The following SSX2IP variants were observed in gnomAD, a reference collection of about 807,000 sequenced individuals.
SSX2IP encodes the protein SSX family member 2 interacting protein.
Under a neutral mutation model 84.9 loss-of-function variants are expected in SSX2IP, and 55 were observed. That is an observed-to-expected ratio of 0.65 (90% confidence interval 0.52 to 0.81). SSX2IP has a LOEUF of 0.81. Among genes scored for constraint, SSX2IP ranks in the 30% least tolerant of loss-of-function variants. The pLI, the probability that SSX2IP is intolerant of heterozygous loss-of-function variation, is 0.00. For missense variants in SSX2IP, 664 were observed against 705.2 expected, an observed-to-expected ratio of 0.94 and a Z score of 0.66; for synonymous variants, 239 against 234.7, an observed-to-expected ratio of 1.02 and a Z score of -0.17.
chr1:84,650,849 G>C (rs563523262), intron 12 of SSX2IP, among the ~76,000 whole-genome samples: 99 of 151,958 alleles, frequency 6.5e-4, no homozygotes, highest in Non-Finnish European at 1.3e-3. Context: ...GGACTACAGG[G>C]GCCCGCCACC....
intron 13 of SSX2IP, chr1:84,649,794 A>G (rs1403783938): frequency 2.7e-6 from 1 of 368,590 alleles, no homozygotes; most frequent in Admixed American, 3.7e-5. Flanking sequence ...TTAGAAAATG[A>G]TATAATAACT....
intron 1 of SSX2IP, among the ~76,000 whole-genome samples, chr1:84,688,410 AT>A (rs1477268073): frequency 6.6e-6 from 1 of 152,238 alleles, no homozygotes; most frequent in Admixed American, 6.5e-5. Context: ...TATGGAAAAA[AT>A]AACTTAAAAA....
At chr1:84,672,484 TC>T (rs1251187076) in intron 1 of SSX2IP, among the ~76,000 whole-genome samples, 1 of 151,670 alleles carries the variant, frequency 6.6e-6, no homozygotes, top group African/African-American at 2.4e-5. Context: ...AATGAGTGAG[TC>T]TGGGGTGCCA....
Position 84,647,277 on chromosome 1 carries a change from A to T in SSX2IP, c.*156T>A. 1.8e-6 allele frequency: 1 copy of T among 550,878 alleles called. No individual in the cohort carries two copies. Among genetic ancestry groups the T allele is most frequent in the Non-Finnish European group, 3.0e-6 (1 of 331,300 alleles). The allele number at this position is 550,878 out of a possible 1,614,324, so 34.1% of individuals were successfully genotyped here. A position where few individuals can be genotyped will look rare whatever the true frequency, so the allele number is the denominator to read the frequency against. On this transcript the variant is annotated 3_prime_UTR_variant, in exon 14 of 14. Coordinates refer to ENST00000342203, the MANE Select transcript of SSX2IP (RefSeq NM_001166293.2). ...CTTTTATATCCTTTTAAATAGATTTAAGATTTCAACTCTTTGGGGGAAGAC... is the reference window on the plus strand; with the variant it reads ...CTTTTATATCCTTTTAAATAGATTTTAGATTTCAACTCTTTGGGGGAAGAC...
chr1:84,649,357 T>C (rs1439252116), intron 13 of SSX2IP, among the ~76,000 whole-genome samples: 1 of 152,212 alleles, frequency 6.6e-6, no homozygotes, highest in African/African-American at 2.4e-5. Flanking sequence ...TTCCTACACT[T>C]GGCTAGAGTG....
chr1:84,657,921 G>A (rs1484365937), intron 9 of SSX2IP, among the ~76,000 whole-genome samples: 1 of 152,066 alleles, frequency 6.6e-6, no homozygotes, highest in African/African-American at 2.4e-5. Flanking sequence ...ATCACTTGAG[G>A]CCAGGAGTTC....
At chr1:84,668,309 C>T (rs545801395) in intron 4 of SSX2IP, among the ~76,000 whole-genome samples, 38 of 152,228 alleles carry the variant, frequency 2.5e-4, no homozygotes, top group Admixed American at 1.6e-3. Context: ...TTAATAAGAC[C>T]TTCCATAGGT....
Position 84,682,888 on chromosome 1 carries a change from A to C in SSX2IP, c.-90+7483T>G, listed in dbSNP as rs572527882. 5.3e-5 allele frequency among the ~76,000 whole-genome samples: 8 copies of C among 152,338 alleles called. No homozygotes were observed. In the East Asian group the frequency reaches 9.6e-4, roughly 18 times the overall value. ...GAGATTCTACCTAATTTTAATAACAATAAAATAATTTATTAAGCATGTAGC... is the reference window on the plus strand; with the variant it reads ...GAGATTCTACCTAATTTTAATAACACTAAAATAATTTATTAAGCATGTAGC... On this transcript the variant is annotated intron_variant, in intron 1 of 13. Transcript: ENST00000342203.
chr1:84,672,672 T>C (rs1366877627), intron 1 of SSX2IP, among the ~76,000 whole-genome samples: 1 of 152,038 alleles, frequency 6.6e-6, no homozygotes, highest in African/African-American at 2.4e-5. Flanking sequence ...GGATCAAGAG[T>C]TCACAACCAC....
intron 1 of SSX2IP, among the ~76,000 whole-genome samples, chr1:84,671,742 G>T (rs1171695125): frequency 6.6e-6 from 1 of 152,116 alleles, no homozygotes; most frequent in African/African-American, 2.4e-5. Flanking sequence ...ACAATTCCCA[G>T]TGTTGGCAAA....
Position 84,646,630 on chromosome 1 carries a change from TATC to T in SSX2IP, c.*800_*802del, listed in dbSNP as rs1174496890. ...TTTTGTCGTCTTGCCCCTATTCTTC[TATC>T]ATCAATAGTCCTTTTAAAAATTATA... On this transcript the variant is annotated 3_prime_UTR_variant, in exon 14 of 14. Transcript: ENST00000342203. 6.6e-6 allele frequency: 1 copy of T among 152,578 alleles called. No homozygotes were observed. Among genetic ancestry groups the T allele is most frequent in the Non-Finnish European group, 1.5e-5 (1 of 67,984 alleles). The allele number at this position is 152,578 out of a possible 1,614,324, so 9.5% of individuals were successfully genotyped here. A position where few individuals can be genotyped will look rare whatever the true frequency, so the allele number is the denominator to read the frequency against.
chr1:84,670,221 C>T lies in SSX2IP; in HGVS notation c.214-328G>A, dbSNP rs1653361057. The T allele has an allele frequency of 1.7e-5, 3 of 177,778 alleles. No homozygotes were observed. In the South Asian group the frequency reaches 5.4e-4, roughly 32 times the overall value. 11.0% of individuals were successfully genotyped at this position (177,778 alleles called of 1,614,324 possible). ...TTATTTTAAAAGGTTGGTTACTGGG[C>T]AACTTAGTAAAAAAAAAATCAAAAG... is the stretch of plus-strand genomic sequence containing the variant. On this transcript the variant is annotated intron_variant, in intron 3 of 13. Transcript: ENST00000342203.
At position 84,647,420 on chromosome 1, in the gene SSX2IP, C is replaced by G; in HGVS notation, c.*13G>C. The G allele has an allele frequency of 6.4e-7, 1 of 1,551,218 alleles. No homozygotes were observed. The highest frequency in any genetic ancestry group is 8.7e-7 in the Non-Finnish European group (1 of 1,148,696). On this transcript the variant is annotated 3_prime_UTR_variant, in exon 14 of 14. Transcript: ENST00000342203. Reference sequence around the variant, plus strand: ...GATGAACACATTAATGAAAAAAATTCCAGTCCACATGTCTAAGGTAAGTCA... The same window carrying G: ...GATGAACACATTAATGAAAAAAATTGCAGTCCACATGTCTAAGGTAAGTCA...
intron 13 of SSX2IP, among the ~76,000 whole-genome samples, chr1:84,648,378 T>C (rs1343719721): frequency 1.3e-5 from 2 of 152,212 alleles, no homozygotes; most frequent in African/African-American, 2.4e-5. Flanking sequence ...TGTTGTTTAG[T>C]GGAGCACTCA....
intron 5 of SSX2IP, 63 bp from the exon 6 acceptor site, chr1:84,664,615 C>CT: frequency 7.1e-7 from 1 of 1,406,848 alleles, no homozygotes. Context: ...GAGAAAAATC[C>CT]TAAAATTCAT....
chr1:84,654,165 T>C (rs1046768384), intron 11 of SSX2IP, among the ~76,000 whole-genome samples: 4 of 151,500 alleles, frequency 2.6e-5, no homozygotes, highest in Middle Eastern at 3.2e-3. Context: ...AAGAAGAAAA[T>C]TTCCCTAAAT....
rs1482542527 is a variant in SSX2IP, at chr1:84,644,055, T to G, written c.*3378A>C. The G allele has an allele frequency of 2.0e-5, 3 of 152,234 alleles. No homozygotes were observed. Among genetic ancestry groups the G allele is most frequent in the Non-Finnish European group, 4.4e-5 (3 of 68,044 alleles). The allele number at this position is 152,234 out of a possible 1,614,324, so 9.4% of individuals were successfully genotyped here. On this transcript the variant is annotated 3_prime_UTR_variant, in exon 14 of 14. Transcript: ENST00000342203. ...TGGACCAAGTCTTTGGGAATGCTTT[T>G]TCTACTAGATAATAATACACGCTCT...
chr1:84,670,053 G>A (rs754937040), intron 3 of SSX2IP, 160 bp from the exon 4 acceptor site: 1 of 565,308 alleles, frequency 1.8e-6, no homozygotes, highest in Non-Finnish European at 3.1e-6. Flanking sequence ...TGAAATTGCT[G>A]AGCAAGTAAA....
intron 6 of SSX2IP, among the ~76,000 whole-genome samples, chr1:84,663,380 C>T (rs1652312190): frequency 6.6e-6 from 1 of 152,088 alleles, no homozygotes; most frequent in Non-Finnish European, 1.5e-5. Context: ...TTTCATCCTG[C>T]TTTTTAATTT....
Sources: allele counts gnomAD v4.1 joint callset (sites outside exome capture counted in the v4.1 genomes callset), GRCh38; gene constraint gnomAD v4.1.1; transcripts MANE v1.5; gene names NCBI Gene and HGNC (gene_info 2026-07-23, HGNC 2026-07-21).